Variants in TSHZ2 observed in about 807,000 individuals in gnomAD.
TSHZ2 encodes the protein teashirt zinc finger homeobox 2.
TSHZ2 carries 21 observed loss-of-function variants against 74.4 expected under a neutral mutation model. The observed-to-expected ratio is 0.28, with a 90% CI of 0.20 to 0.41. The LOEUF (loss-of-function observed/expected upper bound fraction) is 0.41, where lower values mean the gene tolerates loss of function less well. Ranked by LOEUF, TSHZ2 falls within the 10% of genes least tolerant of loss-of-function variation. The probability of loss-of-function intolerance (pLI) is 1.00; values close to 1 mark genes in which losing one functional copy is unlikely to be tolerated. For synonymous variants in TSHZ2, 540 were observed against 515.3 expected (o/e 1.05, Z -0.65); for missense variants, 1,244 against 1,293.5 (o/e 0.96, Z 0.59).
intron 2 of TSHZ2, among the ~76,000 whole-genome samples, chr20:53,411,655 C>T (rs1038257883): frequency 5.9e-5 from 9 of 152,062 alleles, no homozygotes; most frequent in Non-Finnish European, 7.4e-5. Flanking sequence ...ATAGTGAGAC[C>T]TCGTCTCTAT....
intron 2 of TSHZ2, among the ~76,000 whole-genome samples, chr20:53,421,970 C>T (rs539412266): frequency 1.2e-4 from 18 of 152,096 alleles, no homozygotes; most frequent in Non-Finnish European, 5.9e-5. Context: ...CATGAGCCAC[C>T]GCACCCGGCC....
chr20:53,238,575 G>A (rs993848704), intron 1 of TSHZ2, among the ~76,000 whole-genome samples: 1 of 152,078 alleles, frequency 6.6e-6, no homozygotes, highest in African/African-American at 2.4e-5. Flanking sequence ...GTTGTCATAT[G>A]TTCATTTCAC....
intron 2 of TSHZ2, among the ~76,000 whole-genome samples, chr20:53,345,845 G>A (rs1382011137): frequency 2.0e-5 from 3 of 151,784 alleles, no homozygotes; most frequent in Non-Finnish European, 4.4e-5. Flanking sequence ...GCTGATTTCA[G>A]GGAGTTCATT....
chr20:53,465,553 G>A (rs1985531610), intron 2 of TSHZ2, among the ~76,000 whole-genome samples: 1 of 152,060 alleles, frequency 6.6e-6, no homozygotes, highest in South Asian at 2.1e-4. Flanking sequence ...TTGTAGGCAT[G>A]AGACACCGCA....
At chr20:53,265,601 C>G (rs1420735589) in intron 2 of TSHZ2, among the ~76,000 whole-genome samples, 2 of 152,232 alleles carry the variant, frequency 1.3e-5, no homozygotes, top group Non-Finnish European at 2.9e-5. Flanking sequence ...TAAATGCCAC[C>G]TCCCTGGCTC....
At chr20:52,976,270 G>A (rs1354198951) in intron 1 of TSHZ2, among the ~76,000 whole-genome samples, 1 of 152,138 alleles carries the variant, frequency 6.6e-6, no homozygotes, top group East Asian at 1.9e-4. Flanking sequence ...TCTCTTTAAG[G>A]AAACAGCTAA....
intron 2 of TSHZ2, among the ~76,000 whole-genome samples, chr20:53,305,001 T>C (rs7360396): frequency 6.6e-6 from 1 of 150,636 alleles, no homozygotes; most frequent in East Asian, 2.0e-4. Context: ...AGTGGTGCGA[T>C]CTCGGCCCAC....
intron 1 of TSHZ2, among the ~76,000 whole-genome samples, chr20:53,205,206 CTG>C (rs1420281984): frequency 6.6e-6 from 1 of 152,094 alleles, no homozygotes; most frequent in African/African-American, 2.4e-5. Context: ...CAATTAACCA[CTG>C]TGCTAAGCAA....
chr20:53,174,548 G>T (rs897321312), intron 1 of TSHZ2, among the ~76,000 whole-genome samples: 6 of 152,174 alleles, frequency 3.9e-5, no homozygotes, highest in African/African-American at 1.4e-4. Context: ...GTAGGACTCA[G>T]CACCCACCTT....
At chr20:53,450,635 C>T (rs148488745) in intron 2 of TSHZ2, among the ~76,000 whole-genome samples, 165 of 152,248 alleles carry the variant, frequency 1.1e-3, no homozygotes, top group African/African-American at 3.8e-3. Flanking sequence ...GCAGTCTTCT[C>T]GCCTCAGCCT....
intron 1 of TSHZ2, among the ~76,000 whole-genome samples, chr20:53,186,660 A>C (rs1196534995): frequency 6.6e-6 from 1 of 152,158 alleles, no homozygotes; most frequent in African/African-American, 2.4e-5. Flanking sequence ...ACCTGCCTGC[A>C]GGCATTCATC....
At chr20:53,191,253 C>A (rs547944703) in intron 1 of TSHZ2, among the ~76,000 whole-genome samples, 3 of 152,078 alleles carry the variant, frequency 2.0e-5, no homozygotes, top group African/African-American at 4.8e-5. Context: ...CATAACTATG[C>A]ATTATACAGT....
intron 2 of TSHZ2, among the ~76,000 whole-genome samples, chr20:53,392,662 A>C (rs1171648436): frequency 2.6e-5 from 4 of 152,140 alleles, no homozygotes; most frequent in Non-Finnish European, 2.9e-5. Flanking sequence ...ATTTAATTCC[A>C]ACATGGATTC....
chr20:53,232,233 C>G (rs1425744615), intron 1 of TSHZ2, among the ~76,000 whole-genome samples: 1 of 152,136 alleles, frequency 6.6e-6, no homozygotes, highest in Non-Finnish European at 1.5e-5. Flanking sequence ...AACAATGTCT[C>G]TATCTCTTTA....
intron 2 of TSHZ2, among the ~76,000 whole-genome samples, chr20:53,307,599 G>C (rs1315725425): frequency 6.6e-6 from 1 of 152,228 alleles, no homozygotes; most frequent in Non-Finnish European, 1.5e-5. Flanking sequence ...ATCTGTAAGA[G>C]TGGGCCTGGA....
intron 1 of TSHZ2, among the ~76,000 whole-genome samples, chr20:53,140,438 G>A (rs1287147993): frequency 3.3e-5 from 5 of 151,242 alleles, no homozygotes; most frequent in African/African-American, 9.7e-5. Context: ...TACTCAGGAG[G>A]CTGAGGCAGG....
intron 1 of TSHZ2, among the ~76,000 whole-genome samples, chr20:53,078,270 G>A (rs193234536): frequency 2.7e-4 from 41 of 152,226 alleles, no homozygotes; most frequent in South Asian, 1.5e-3. Flanking sequence ...AATAATGTGG[G>A]TTTAACCATT....
intron 2 of TSHZ2, among the ~76,000 whole-genome samples, chr20:53,476,467 T>G (rs565915783): frequency 6.6e-6 from 1 of 152,230 alleles, no homozygotes; most frequent in South Asian, 2.1e-4. Context: ...CAACACTTCG[T>G]GCTAAAAACT....
rs558635330 is a variant in TSHZ2, at chr20:53,204,340, T to C, written c.41-49159T>C. On this transcript the variant is annotated intron_variant, in intron 1 of 2. Coordinates refer to ENST00000371497, the MANE Select transcript of TSHZ2 (RefSeq NM_173485.6). ...ATGATGATATGATACTATATCATCATATAACATGATGATATGATACTATAT... is the reference window on the plus strand; with the variant it reads ...ATGATGATATGATACTATATCATCACATAACATGATGATATGATACTATAT... Among the ~76,000 whole-genome samples the C allele has an allele frequency of 3.1e-4, 42 of 137,174 alleles. 1 individual carries two copies. The highest frequency in any genetic ancestry group is 3.3e-4 in the Non-Finnish European group (20 of 61,292). The allele number at this position is 137,174 out of a possible 152,430, so 90.0% of individuals were successfully genotyped here.
Sources: gnomAD v4.1 joint callset for allele counts (sites outside exome capture counted in the v4.1 genomes callset) on GRCh38, gnomAD v4.1.1 for gene constraint, MANE v1.5 for transcripts, NCBI Gene and HGNC (gene_info 2026-07-23, HGNC 2026-07-21) for gene names.